PLXNA4: variants seen among roughly 807,000 people sequenced by gnomAD.
PLXNA4 encodes the protein plexin A4.
In PLXNA4, 44 loss-of-function variants were observed where a neutral mutation model predicts 191.8. The observed-to-expected ratio is 0.23, with a 90% CI of 0.18 to 0.29. The LOEUF is 0.29. PLXNA4 is among the 10% of genes least tolerant of loss of function. PLXNA4 has a pLI of 1.00. For synonymous variants in PLXNA4, 1,082 were observed against 1,009.5 expected, an observed-to-expected ratio of 1.07 and a Z score of -1.36; for missense variants, 1,800 against 2,488.8, an observed-to-expected ratio of 0.72 and a Z score of 5.89.
At chr7:132,493,341 G>C (rs1289968608) in intron 2 of PLXNA4, among the ~76,000 whole-genome samples, 1 of 152,136 alleles carries the variant, frequency 6.6e-6, no homozygotes, top group African/African-American at 2.4e-5. Flanking sequence ...AAAATGTTTG[G>C]CCATGGTTAT....
Position 132,129,106 on chromosome 7 carries a change from C to T in PLXNA4, c.*1373G>A, listed in dbSNP as rs949977114. ...GCCAAGGCCAAGGTCATTTGTATGTCCCTCTTCTTAATTCCAGCCAGGCCC... is the reference window on the plus strand; with the variant it reads ...GCCAAGGCCAAGGTCATTTGTATGTTCCTCTTCTTAATTCCAGCCAGGCCC... On this transcript the variant is annotated 3_prime_UTR_variant, in exon 32 of 32. Coordinates refer to ENST00000321063, the MANE Select transcript of PLXNA4 (RefSeq NM_020911.2). The T allele has an allele frequency of 1.3e-5, 2 of 152,216 alleles. No individual in the cohort carries two copies. The highest frequency in any genetic ancestry group is 4.8e-5 in the African/African-American group (2 of 41,442). The allele number at this position is 152,216 out of a possible 1,614,324, so 9.4% of individuals were successfully genotyped here.
At chr7:132,133,668 C>A (rs1008733255) in intron 30 of PLXNA4, among the ~76,000 whole-genome samples, 3 of 152,186 alleles carry the variant, frequency 2.0e-5, no homozygotes, top group African/African-American at 7.2e-5. Context: ...AGGGCTGAGG[C>A]TACTCAGGGA....
chr7:132,491,468 C>T (rs1797795720), intron 2 of PLXNA4, among the ~76,000 whole-genome samples: 1 of 152,134 alleles, frequency 6.6e-6, no homozygotes, highest in South Asian at 2.1e-4. Flanking sequence ...CCCCTTCTTC[C>T]TACAGAGTAG....
At chr7:132,512,253 G>A (rs1284445087) in intron 1 of PLXNA4, among the ~76,000 whole-genome samples, 2 of 152,218 alleles carry the variant, frequency 1.3e-5, no homozygotes. Flanking sequence ...TGGGGAATGT[G>A]TGCCTACCCC....
chr7:132,393,079 C>T (rs907749793), intron 3 of PLXNA4, among the ~76,000 whole-genome samples: 1 of 152,034 alleles, frequency 6.6e-6, no homozygotes, highest in Non-Finnish European at 1.5e-5. Context: ...TGTCAGTTTC[C>T]TCCTCCGAAT....
intron 2 of PLXNA4, among the ~76,000 whole-genome samples, chr7:132,583,819 T>C (rs1296946072): frequency 2.6e-5 from 4 of 152,228 alleles, no homozygotes; most frequent in Non-Finnish European, 5.9e-5. Context: ...AAATGTGAGA[T>C]GTCCCTTGTG....
At chr7:132,523,509 G>T (rs1016215849) in intron 1 of PLXNA4, among the ~76,000 whole-genome samples, 33 of 152,254 alleles carry the variant, frequency 2.2e-4, no homozygotes, top group Non-Finnish European at 2.9e-4. Context: ...AGAAGAGCAC[G>T]GAAGGATGGG....
At chr7:132,403,813 T>C (rs34314639) in intron 3 of PLXNA4, among the ~76,000 whole-genome samples, 7,049 of 152,014 alleles carry the variant, frequency 0.046, 211 homozygotes, top group Non-Finnish European at 0.066. Context: ...ACCTGAGGGA[T>C]CAGGAGGGAG....
intron 2 of PLXNA4, among the ~76,000 whole-genome samples, chr7:132,501,627 T>C (rs755205529): frequency 3.9e-4 from 60 of 152,150 alleles, no homozygotes; most frequent in Non-Finnish European, 7.2e-4. Flanking sequence ...CACACTAGTC[T>C]GGGATGGGAC....
rs1402898448 is a variant in PLXNA4 at position 132,185,358 on chromosome 7, G to A, written c.3099C>T (p.Val1033=). 4.3e-6 allele frequency: 7 copies of A among 1,613,978 alleles called. No homozygotes were observed. The Admixed American group carries it at 1.0e-4, about 23-fold the overall frequency. ...TGGTGGGGTCTTCCACATACTGAAA[G>A]ACCAGGTCCTGGTGGATCTTGGCCC... The part of the protein sequence containing the change: ...VDRAKIHQDL[V]FQYVEDPTIV... The change falls in exon 16 of 32, where the codon GTC becomes GTT. Residue 1033 remains valine, a synonymous_variant. Transcript: ENST00000321063.
chr7:132,289,482 G>C (rs1339926482), intron 4 of PLXNA4, among the ~76,000 whole-genome samples: 1 of 152,172 alleles, frequency 6.6e-6, no homozygotes, highest in African/African-American at 2.4e-5. Context: ...CTGGTGCTTG[G>C]CACATAGTAG....
chr7:132,284,362 TCTC>T (rs1800602900), intron 4 of PLXNA4, among the ~76,000 whole-genome samples: 1 of 152,150 alleles, frequency 6.6e-6, no homozygotes, highest in Non-Finnish European at 1.5e-5. Context: ...CAGCAAGAGG[TCTC>T]CTACACGTGT....
rs138349294 is a variant in PLXNA4 at position 132,561,843 on chromosome 7, T to A, written c.-87+14579A>T. On this transcript the variant is annotated intron_variant, in intron 1 of 31. Transcript: ENST00000321063. ...CTCCTTCTTCTCCTCCGCCTCCTTC[T>A]CCTCCTCCTCCTTATCCTCCTCTTT... Among the ~76,000 whole-genome samples, 725 of 142,788 alleles carry A rather than the reference T, an allele frequency of 5.1e-3. 5 individuals are homozygous for A. Among genetic ancestry groups the A allele is most frequent in the Middle Eastern group, 0.013 (3 of 236 alleles). 93.7% of individuals were successfully genotyped at this position (142,788 alleles called of 152,430 possible).
chr7:132,563,027 T>TCTCTTC (rs1801363938), intron 1 of PLXNA4, among the ~76,000 whole-genome samples: 1 of 34,022 alleles, frequency 2.9e-5, no homozygotes, highest in African/African-American at 1.1e-4. Context: ...TCTTCCTCTT[T>TCTCTTC]CTCCTCCTCC....
At chr7:132,342,888 A>C (rs761365891) in intron 3 of PLXNA4, among the ~76,000 whole-genome samples, 3 of 149,286 alleles carry the variant, frequency 2.0e-5, no homozygotes, top group Non-Finnish European at 4.4e-5. Flanking sequence ...TGGAGGTTGC[A>C]GTGAGCCAAG....
chr7:132,484,418 C>G (rs1192518368), intron 3 of PLXNA4, among the ~76,000 whole-genome samples: 1 of 152,216 alleles, frequency 6.6e-6, no homozygotes, highest in Non-Finnish European at 1.5e-5. Context: ...CTCAGCCTCC[C>G]CTTCACACAA....
intron 21 of PLXNA4, among the ~76,000 whole-genome samples, chr7:132,174,001 T>C (rs1370871311): frequency 1.3e-5 from 2 of 152,176 alleles, no homozygotes; most frequent in African/African-American, 4.8e-5. Flanking sequence ...ATAATGGGCT[T>C]ACTTACTTCA....
intron 2 of PLXNA4, among the ~76,000 whole-genome samples, chr7:132,596,568 A>G (rs757997085): frequency 1.3e-5 from 2 of 152,244 alleles, no homozygotes; most frequent in Non-Finnish European, 2.9e-5. Flanking sequence ...TGTCTTTTTA[A>G]TTAATGGCTT....
intron 3 of PLXNA4, among the ~76,000 whole-genome samples, chr7:132,480,029 C>T (rs1797278399): frequency 6.6e-6 from 1 of 152,144 alleles, no homozygotes; most frequent in African/African-American, 2.4e-5. Context: ...GTCTCCCTAA[C>T]CTCCCATTCA....
Sources: gnomAD v4.1 joint callset for allele counts (sites outside exome capture counted in the v4.1 genomes callset) on GRCh38, gnomAD v4.1.1 for gene constraint, MANE v1.5 for transcripts, NCBI Gene and HGNC (gene_info 2026-07-23, HGNC 2026-07-21) for gene names.